The following EDA variants were observed in gnomAD, a reference collection of about 807,000 sequenced individuals.
EDA encodes ectodysplasin-A.
A neutral mutation model predicts 23.6 loss-of-function variants in EDA; 2 were observed. The observed-to-expected ratio is 0.08, with a 90% confidence interval of 0.03 to 0.27. The LOEUF (loss-of-function observed/expected upper bound fraction) is 0.27. EDA is among the 10% of genes least tolerant of loss of function. The pLI, the probability that EDA is intolerant of heterozygous loss-of-function variation, is 1.00. For missense variants in EDA, 229 were observed against 324.2 expected, an observed-to-expected ratio of 0.71 and a Z score of 2.26; for synonymous variants, 131 against 132.0, an observed-to-expected ratio of 0.99 and a Z score of 0.05.
At chrX:69,910,368 AGAGAGAGT>A (rs1288119719) in intron 1 of EDA, among the ~76,000 whole-genome samples, 16 of 43,772 alleles carry the variant, frequency 3.7e-4, no homozygotes, top group South Asian at 1.3e-3. Flanking sequence ...AGAGAGAGAG[AGAGAGAGT>A]GTGTGTGTGT....
intron 1 of EDA, among the ~76,000 whole-genome samples, chrX:69,833,046 G>A (rs1389951528): frequency 5.4e-5 from 6 of 111,258 alleles, no homozygotes; most frequent in Non-Finnish European, 9.4e-5. Flanking sequence ...TCTCCTGCCT[G>A]ATTGCCCTGG....
At chrX:69,871,632 T>C (rs913389444) in intron 1 of EDA, among the ~76,000 whole-genome samples, 1 of 111,957 alleles carries the variant, frequency 8.9e-6, no homozygotes, top group Non-Finnish European at 1.9e-5. Context: ...GACTGAAATA[T>C]TAATCTCTTT....
chrX:69,910,838 T>C (rs1194200980), intron 1 of EDA, among the ~76,000 whole-genome samples: 1 of 112,189 alleles, frequency 8.9e-6, no homozygotes, highest in East Asian at 2.8e-4. Context: ...AGATATGTTT[T>C]CCTTTATACG....
intron 1 of EDA, among the ~76,000 whole-genome samples, chrX:69,746,419 T>G (rs1473798420): frequency 8.9e-6 from 1 of 111,869 alleles, no homozygotes; most frequent in African/African-American, 3.2e-5. Context: ...ACTTCTATTC[T>G]CCTACATATA....
At chrX:69,684,240 C>T (rs1316125580) in intron 1 of EDA, among the ~76,000 whole-genome samples, 1 of 111,426 alleles carries the variant, frequency 9.0e-6, no homozygotes, top group African/African-American at 3.3e-5. Flanking sequence ...GTTAACAAGG[C>T]TCATCGAATA....
At chrX:69,766,895 A>C (rs1040184482) in intron 1 of EDA, among the ~76,000 whole-genome samples, 4 of 112,032 alleles carry the variant, frequency 3.6e-5, no homozygotes, top group Non-Finnish European at 7.5e-5. Flanking sequence ...TTGAACTAAT[A>C]TACACTCCCG....
At chrX:69,855,248 G>A (rs151309029) in intron 1 of EDA, among the ~76,000 whole-genome samples, 132 of 111,869 alleles carry the variant, frequency 1.2e-3, no homozygotes, top group African/African-American at 4.1e-3. Context: ...CTCCCATTCC[G>A]TAGGTTGCCT....
At chrX:69,682,360 T>G (rs1209072044) in intron 1 of EDA, among the ~76,000 whole-genome samples, 1 of 112,722 alleles carries the variant, frequency 8.9e-6, no homozygotes, top group Non-Finnish European at 1.9e-5. Context: ...CAGTTGGAGC[T>G]TCCAGTCTGC....
In EDA at chrX:69,804,183, G is replaced by A. The variant is rs1417805032; in HGVS notation, c.397-152844G>A. On this transcript the variant is annotated intron_variant, in intron 1 of 7. Transcript: ENST00000374552. The stretch of plus-strand genomic sequence containing the variant: ...TTTCTTTGGATCAATTCCCGGTAGT[G>A]AGATTGCTAGATCATATGGTAGTTC... 5.4e-5 allele frequency among the ~76,000 whole-genome samples: 6 copies of A among 111,004 alleles called. 1 individual carries two copies. The East Asian group carries it at 1.7e-3, about 32-fold the overall frequency.
At chrX:69,634,072 T>G (rs370786922) in intron 1 of EDA, among the ~76,000 whole-genome samples, 1 of 112,271 alleles carries the variant, frequency 8.9e-6, no homozygotes, top group African/African-American at 3.2e-5. Context: ...TAAGGTGATA[T>G]CTAATTGTTT....
At chrX:69,735,214 TATATACACATACAACA>T (rs2013207470) in intron 1 of EDA, among the ~76,000 whole-genome samples, 2 of 60,525 alleles carry the variant, frequency 3.3e-5, no homozygotes, top group Admixed American at 3.1e-4. Context: ...TTTGTATGTG[TATATACACATACAACA>T]GAATATTTTG....
At chrX:69,823,773 A>G (rs1458026152) in intron 1 of EDA, among the ~76,000 whole-genome samples, 2 of 80,584 alleles carry the variant, frequency 2.5e-5, no homozygotes, top group Non-Finnish European at 4.6e-5. Context: ...GTCCTTGCCC[A>G]TGCCTGTGTC....
chrX:70,018,538 A>G (rs994196825), intron 2 of EDA, among the ~76,000 whole-genome samples: 1 of 111,837 alleles, frequency 8.9e-6, no homozygotes, highest in African/African-American at 3.3e-5. Flanking sequence ...TCACACACCT[A>G]TGACCATCTG....
chrX:69,703,418 A>G (rs1461650784), intron 1 of EDA, among the ~76,000 whole-genome samples: 2 of 111,809 alleles, frequency 1.8e-5, no homozygotes, highest in African/African-American at 6.5e-5. Flanking sequence ...CATACACCGG[A>G]GCCCCTCCCG....
chrX:69,928,850 T>C (rs2018557301), intron 1 of EDA, among the ~76,000 whole-genome samples: 1 of 111,288 alleles, frequency 9.0e-6, no homozygotes, highest in Non-Finnish European at 1.9e-5. Flanking sequence ...AACACTGAAG[T>C]AGGAACTCAT....
intron 1 of EDA, among the ~76,000 whole-genome samples, chrX:69,821,236 C>A (rs2016213500): frequency 1.0e-5 from 1 of 98,278 alleles, no homozygotes; most frequent in East Asian, 3.2e-4. Flanking sequence ...CACACTGGGG[C>A]CTACTGGGGG....
intron 1 of EDA, among the ~76,000 whole-genome samples, chrX:69,645,596 G>GTGTGTATATATATA (rs1569281302): frequency 8.5e-4 from 25 of 29,517 alleles, no homozygotes; most frequent in East Asian, 0.017. Context: ...ATATATATGT[G>GTGTGTATATATATA]TGTGTGTATA....
At chrX:69,841,550 T>C (rs189864280) in intron 1 of EDA, among the ~76,000 whole-genome samples, 1 of 111,150 alleles carries the variant, frequency 9.0e-6, no homozygotes, top group Admixed American at 9.7e-5. Context: ...AAGATCTCAC[T>C]ATGTTGTCCA....
intron 1 of EDA, among the ~76,000 whole-genome samples, chrX:69,803,146 A>G (rs902173188): frequency 1.1e-4 from 12 of 111,652 alleles, no homozygotes; most frequent in Non-Finnish European, 1.9e-4. Flanking sequence ...AGATGTATCC[A>G]TACCAACCCT....
Sources: allele counts gnomAD v4.1 joint callset (sites outside exome capture counted in the v4.1 genomes callset), GRCh38; gene constraint gnomAD v4.1.1; transcripts MANE v1.5; gene names NCBI Gene and HGNC (gene_info 2026-07-23, HGNC 2026-07-21).